Variants in SIPA1L1 observed in about 807,000 individuals in gnomAD.
SIPA1L1 encodes the protein signal induced proliferation associated 1 like 1.
In SIPA1L1, 26 loss-of-function variants were observed where a neutral mutation model predicts 162.7. The ratio of observed to expected loss-of-function variants is 0.16; its 90% CI spans 0.12 to 0.22. The LOEUF is 0.22. Among genes scored for constraint, SIPA1L1 ranks in the 10% least tolerant of loss-of-function variants. The probability of loss-of-function intolerance (pLI) is 1.00; values close to 1 mark genes in which losing one functional copy is unlikely to be tolerated. For synonymous variants in SIPA1L1, 829 were observed against 837.4 expected (o/e 0.99, Z 0.17); for missense variants, 1,874 against 2,241.0 (o/e 0.84, Z 3.31).
intron 2 of SIPA1L1, among the ~76,000 whole-genome samples, chr14:71,502,242 GAAAA>G (rs139102210): frequency 1.8e-3 from 198 of 108,310 alleles, no homozygotes; most frequent in Non-Finnish European, 2.8e-3. Flanking sequence ...TGAGATACTT[GAAAA>G]AAAAAAAAAA....
At chr14:71,358,007 A>T (rs1317326797) in intron 2 of SIPA1L1, among the ~76,000 whole-genome samples, 1 of 152,064 alleles carries the variant, frequency 6.6e-6, no homozygotes, top group African/African-American at 2.4e-5. Flanking sequence ...ACTGGGCCAT[A>T]AGCCAGTGTG....
chr14:71,353,623 T>G (rs1394299630), intron 2 of SIPA1L1, among the ~76,000 whole-genome samples: 1 of 152,064 alleles, frequency 6.6e-6, no homozygotes, highest in Non-Finnish European at 1.5e-5. Flanking sequence ...AGGGAGCCAG[T>G]TAAGAGGCAG....
Position 71,588,509 on chromosome 14 carries a change from G to A in SIPA1L1, c.637G>A (p.Asp213Asn). 2 of 1,614,130 alleles carry A rather than the reference G, an allele frequency of 1.2e-6. No homozygotes were observed. The highest frequency in any genetic ancestry group is 2.2e-5 in the South Asian group (2 of 91,074). Residue 213 changes from aspartate (D) to asparagine (N), a missense_variant, in exon 5 of 24, where the codon GAT becomes AAT. Around this residue, in one of 5 missense-constraint regions of SIPA1L1, gnomAD observed 685 missense variants for 828.0 expected, o/e 0.83. Coordinates refer to ENST00000381232, the MANE Select transcript of SIPA1L1 (RefSeq NM_001386936.1). This position sits in a 1 kb window ranked among gnomAD's most constrained non-coding sequence, Gnocchi z 4.3. Reference sequence around the variant, plus strand: ...GGAATATGGTAGCACATCTTCAATTGATAAACAGGGAACATCTGGAGAAAG... The same window carrying A: ...GGAATATGGTAGCACATCTTCAATTAATAAACAGGGAACATCTGGAGAAAG... ...HREYGSTSSI[D>N]KQGTSGESFF...
At chr14:71,389,311 G>T (rs997226807) in intron 2 of SIPA1L1, among the ~76,000 whole-genome samples, 1 of 152,194 alleles carries the variant, frequency 6.6e-6, no homozygotes, top group Non-Finnish European at 1.5e-5. Context: ...CAAGGCATCT[G>T]TCTAGATGGC....
intron 12 of SIPA1L1, among the ~76,000 whole-genome samples, chr14:71,681,986 G>C (rs918091112): frequency 3.9e-5 from 6 of 152,308 alleles, no homozygotes; most frequent in Admixed American, 3.3e-4. Flanking sequence ...TTTTATAAAA[G>C]TTGTTGAATT....
intron 2 of SIPA1L1, among the ~76,000 whole-genome samples, chr14:71,492,150 G>T (rs944569895): frequency 5.3e-5 from 8 of 152,186 alleles, no homozygotes; most frequent in Admixed American, 5.2e-4. Context: ...TGCAAAGAGG[G>T]TGGTATAGTA....
chr14:71,691,428 C>T (rs973956405), intron 13 of SIPA1L1, among the ~76,000 whole-genome samples: 1 of 151,748 alleles, frequency 6.6e-6, no homozygotes, highest in African/African-American at 2.4e-5. Context: ...CCCGTATCTA[C>T]AAAAAATAAA....
intron 17 of SIPA1L1, among the ~76,000 whole-genome samples, chr14:71,716,593 G>T (rs1054155967): frequency 6.6e-6 from 1 of 152,108 alleles, no homozygotes; most frequent in Non-Finnish European, 1.5e-5. Flanking sequence ...AATTCACAGT[G>T]GTCTCCCCAG....
At chr14:71,497,766 T>C (rs577531870) in intron 2 of SIPA1L1, 12 of 152,364 alleles carry the variant, frequency 7.9e-5, no homozygotes, top group African/African-American at 2.9e-4. Flanking sequence ...ACACTTGAGT[T>C]GTTGCCAGTT....
chr14:71,685,864 C>G (rs1176650359), intron 13 of SIPA1L1, among the ~76,000 whole-genome samples: 1 of 152,196 alleles, frequency 6.6e-6, no homozygotes, highest in African/African-American at 2.4e-5. Context: ...GTGCTTTGCT[C>G]TTTAATTTCC....
intron 2 of SIPA1L1, among the ~76,000 whole-genome samples, chr14:71,419,652 C>A (rs997528634): frequency 1.3e-5 from 2 of 151,712 alleles, no homozygotes. Context: ...TGCCCGCCAC[C>A]ACGCCCGGCT....
chr14:71,382,401 A>G (rs1019599756), intron 2 of SIPA1L1, among the ~76,000 whole-genome samples: 1 of 152,254 alleles, frequency 6.6e-6, no homozygotes, highest in African/African-American at 2.4e-5. Context: ...TGAATATGAT[A>G]TGGAAACTTT....
chr14:71,349,445 G>A (rs912777957), intron 2 of SIPA1L1, among the ~76,000 whole-genome samples: 1 of 152,178 alleles, frequency 6.6e-6, no homozygotes, highest in African/African-American at 2.4e-5. Flanking sequence ...CTTCAGTTCA[G>A]AATCCTTTGG....
chr14:71,638,724 A>G (rs2041410966), intron 7 of SIPA1L1, among the ~76,000 whole-genome samples: 1 of 152,232 alleles, frequency 6.6e-6, no homozygotes, highest in Non-Finnish European at 1.5e-5. Context: ...CCTATTTCAG[A>G]TGACATGCTG....
At chr14:71,519,985 C>G (rs1034325057) in intron 3 of SIPA1L1, among the ~76,000 whole-genome samples, 4 of 152,016 alleles carry the variant, frequency 2.6e-5, no homozygotes, top group African/African-American at 9.7e-5. Context: ...CAGCACACAC[C>G]TATAATCTTA....
intron 2 of SIPA1L1, among the ~76,000 whole-genome samples, chr14:71,446,912 T>TG (rs1555425850): frequency 1.6e-4 from 20 of 127,768 alleles, no homozygotes; most frequent in Non-Finnish European, 2.8e-4. Context: ...TTTTGTTTTT[T>TG]TTTTTTTTTT....
At chr14:71,470,833 A>ATTTTG (rs920464138) in intron 2 of SIPA1L1, among the ~76,000 whole-genome samples, 1 of 151,312 alleles carries the variant, frequency 6.6e-6, no homozygotes, top group Non-Finnish European at 1.5e-5. Context: ...GTTTTGTTTT[A>ATTTTG]TTTTGTTTTG....
At chr14:71,707,796 T>A (rs1293103475) in intron 16 of SIPA1L1, among the ~76,000 whole-genome samples, 3 of 152,178 alleles carry the variant, frequency 2.0e-5, no homozygotes, top group African/African-American at 7.2e-5. Flanking sequence ...ACATGCCTTT[T>A]TATTTCTCTT....
intron 2 of SIPA1L1, among the ~76,000 whole-genome samples, chr14:71,476,809 C>G (rs1004140512): frequency 1.3e-5 from 2 of 151,934 alleles, no homozygotes; most frequent in African/African-American, 2.4e-5. Flanking sequence ...TCCCAAGTAG[C>G]TGGGACTACA....
Sources: allele counts gnomAD v4.1 joint callset (sites outside exome capture counted in the v4.1 genomes callset), GRCh38; gene constraint gnomAD v4.1.1; regional missense constraint gnomAD v4.1.1; non-coding constraint Gnocchi (gnomAD v3.1); transcripts MANE v1.5; gene names NCBI Gene and HGNC (gene_info 2026-07-23, HGNC 2026-07-21).